The following MTUS2 variants were observed in gnomAD, a reference collection of about 807,000 sequenced individuals.
MTUS2 encodes microtubule associated scaffold protein 2.
A neutral mutation model predicts 114.1 loss-of-function variants in MTUS2; 40 were observed. That is an observed-to-expected ratio of 0.35 (90% CI 0.27 to 0.46). The LOEUF (loss-of-function observed/expected upper bound fraction) is 0.46, where lower values mean the gene tolerates loss of function less well. Ranked by LOEUF, MTUS2 falls within the 20% of genes least tolerant of loss-of-function variation. The pLI is 1.00. For synonymous variants in MTUS2, 688 were observed against 672.0 expected (o/e 1.02, Z -0.37); for missense variants, 1,679 against 1,705.4 (o/e 0.98, Z 0.27).
intron 7 of MTUS2, among the ~76,000 whole-genome samples, chr13:29,346,647 G>A (rs1273942205): frequency 4.0e-5 from 5 of 126,574 alleles, no homozygotes; most frequent in East Asian, 2.3e-4. Context: ...GCTTCTGTGC[G>A]CCTGTCTGTA....
At chr13:29,002,751 T>G (rs1298784547) in intron 2 of MTUS2, among the ~76,000 whole-genome samples, 1 of 152,196 alleles carries the variant, frequency 6.6e-6, no homozygotes, top group Non-Finnish European at 1.5e-5. Context: ...TTAGATTACT[T>G]TTGATGCACT....
intron 1 of MTUS2, among the ~76,000 whole-genome samples, chr13:28,821,162 T>C (rs1219448576): frequency 6.6e-6 from 1 of 152,166 alleles, no homozygotes; most frequent in Non-Finnish European, 1.5e-5. Context: ...CTTAAAAAAA[T>C]TTGCTCATTG....
At chr13:28,979,892 G>A (rs1217344556) in intron 2 of MTUS2, among the ~76,000 whole-genome samples, 25 of 151,968 alleles carry the variant, frequency 1.6e-4, no homozygotes, top group Admixed American at 1.6e-3. Context: ...TTGGGGAGGG[G>A]GACTTTAAAA....
At chr13:29,034,462 A>T (rs1369853540) in intron 4 of MTUS2, among the ~76,000 whole-genome samples, 2 of 152,196 alleles carry the variant, frequency 1.3e-5, no homozygotes, top group Non-Finnish European at 2.9e-5. Context: ...CTAAGGGGTT[A>T]ATGTCATAAC....
intron 1 of MTUS2, among the ~76,000 whole-genome samples, chr13:28,836,248 A>C (rs1875078656): frequency 6.6e-6 from 1 of 152,186 alleles, no homozygotes; most frequent in African/African-American, 2.4e-5. Flanking sequence ...TCATACTTAC[A>C]GCACGTCTCA....
chr13:29,122,153 G>A (rs901901393), intron 5 of MTUS2, among the ~76,000 whole-genome samples: 1 of 152,106 alleles, frequency 6.6e-6, no homozygotes, highest in Non-Finnish European at 1.5e-5. Flanking sequence ...CCCTGAGTAG[G>A]GGTCTGATAT....
In MTUS2 at chr13:29,495,098, C is replaced by G. The variant is rs935881362; in HGVS notation, c.3580-2140C>G. Among the ~76,000 whole-genome samples the G allele has an allele frequency of 8.8e-5, 13 of 148,374 alleles. No homozygotes were observed. The Admixed American group carries it at 8.9e-4, about 10-fold the overall frequency. The stretch of plus-strand genomic sequence containing the variant: ...ACTCGGGAGGCTGAGGCAGGAGAAT[C>G]GCTTGAACCCCGGAGGCAGAGGTAG... On this transcript the variant is annotated intron_variant, in intron 12 of 15. Coordinates refer to ENST00000612955, the MANE Select transcript of MTUS2 (RefSeq NM_001033602.4).
intron 9 of MTUS2, among the ~76,000 whole-genome samples, chr13:29,445,838 G>A (rs563502789): frequency 6.6e-6 from 1 of 152,174 alleles, no homozygotes; most frequent in South Asian, 2.1e-4. Flanking sequence ...AACCTGGGAG[G>A]CGGATGTTGC....
chr13:29,284,675 C>A (rs1898406483), intron 6 of MTUS2, among the ~76,000 whole-genome samples: 1 of 152,130 alleles, frequency 6.6e-6, no homozygotes, highest in South Asian at 2.1e-4. Flanking sequence ...GAAAGAATTG[C>A]AACGAAAATC....
chr13:28,971,000 G>A, intron 2 of MTUS2, among the ~76,000 whole-genome samples: 1 of 152,208 alleles, frequency 6.6e-6, no homozygotes, highest in Non-Finnish European at 1.5e-5. Context: ...AGGTGTAAAA[G>A]CAGTACTCGA....
chr13:28,831,910 C>G (rs1874710488), intron 1 of MTUS2, among the ~76,000 whole-genome samples: 1 of 151,688 alleles, frequency 6.6e-6, no homozygotes, highest in South Asian at 2.1e-4. Flanking sequence ...GTGCATGCCA[C>G]CATGCCTGGC....
intron 4 of MTUS2, among the ~76,000 whole-genome samples, chr13:29,056,997 A>G (rs1056619527): frequency 6.6e-6 from 1 of 152,026 alleles, no homozygotes; most frequent in African/African-American, 2.4e-5. Context: ...AGATTCTAGT[A>G]TGTTGTATTT....
chr13:29,504,743 CAAAG>C lies in MTUS2; in HGVS notation c.*1539_*1542del, dbSNP rs1883120785. 4.3e-6 allele frequency: 1 copy of C among 233,168 alleles called. No individual in the cohort carries two copies. The highest frequency in any genetic ancestry group is 8.5e-6 in the Non-Finnish European group (1 of 118,074). The allele number at this position is 233,168 out of a possible 1,614,324, so 14.4% of individuals were successfully genotyped here. A position where few individuals can be genotyped will look rare whatever the true frequency, so the allele number is the denominator to read the frequency against. The stretch of plus-strand genomic sequence containing the variant: ...TGATGCCCTTGTTTCCTGTATGTGA[CAAAG>C]ACCCTGCACTTTCTCCCTGAGACCC... On this transcript the variant is annotated 3_prime_UTR_variant, in exon 16 of 16. Coordinates refer to ENST00000612955, the MANE Select transcript of MTUS2 (RefSeq NM_001033602.4).
chr13:29,001,246 TA>T (rs1267685901), intron 2 of MTUS2, among the ~76,000 whole-genome samples: 2 of 152,176 alleles, frequency 1.3e-5, no homozygotes, highest in Non-Finnish European at 1.5e-5. Context: ...TTTCCAGTTT[TA>T]AAAAGATCCT....
chr13:29,474,718 TAATTTG>T (rs1880564362), intron 9 of MTUS2, among the ~76,000 whole-genome samples: 1 of 152,222 alleles, frequency 6.6e-6, no homozygotes, highest in African/African-American at 2.4e-5. Flanking sequence ...CTACTCATCA[TAATTTG>T]AGTAGCCCCC....
chr13:29,453,434 G>GAAAA (rs1878882262), intron 9 of MTUS2, among the ~76,000 whole-genome samples: 1 of 152,160 alleles, frequency 6.6e-6, no homozygotes, highest in Non-Finnish European at 1.5e-5. Flanking sequence ...TATGCCAGGA[G>GAAAA]GAAAAGAAAG....
chr13:29,497,461 G>A, intron 13 of MTUS2, 125 bp downstream of exon 13: 1 of 759,648 alleles, frequency 1.3e-6, no homozygotes, highest in Non-Finnish European at 2.2e-6. Context: ...AGTGACAGCT[G>A]GTCACGACCT....
At chr13:29,107,875 C>A (rs1024001117) in intron 5 of MTUS2, among the ~76,000 whole-genome samples, 1 of 151,922 alleles carries the variant, frequency 6.6e-6, no homozygotes, top group South Asian at 2.1e-4. Context: ...AGTTTTATTT[C>A]TTGTTTTAAT....
At chr13:29,105,379 C>A (rs1320131994) in intron 5 of MTUS2, among the ~76,000 whole-genome samples, 2 of 152,096 alleles carry the variant, frequency 1.3e-5, no homozygotes, top group East Asian at 1.9e-4. Flanking sequence ...TAGATCATAT[C>A]GCCCAAGGAT....
Sources: allele counts gnomAD v4.1 joint callset (sites outside exome capture counted in the v4.1 genomes callset), GRCh38; gene constraint gnomAD v4.1.1; transcripts MANE v1.5; gene names NCBI Gene and HGNC (gene_info 2026-07-23, HGNC 2026-07-21).